The following PHKA2 variants were observed in gnomAD, a reference collection of about 807,000 sequenced individuals.
PHKA2 encodes the protein phosphorylase b kinase regulatory subunit alpha, liver isoform.
A neutral mutation model predicts 102.0 loss-of-function variants in PHKA2; 31 were observed. The ratio of observed to expected loss-of-function variants is 0.30; its 90% CI spans 0.23 to 0.41. The LOEUF (loss-of-function observed/expected upper bound fraction) is 0.41, where lower values mean the gene tolerates loss of function less well. Among genes scored for constraint, PHKA2 ranks in the 10% least tolerant of loss-of-function variants. The pLI is 1.00. For missense variants in PHKA2, 858 were observed against 1,023.1 expected (o/e 0.84, Z 2.20); for synonymous variants, 455 against 416.2 (o/e 1.09, Z -1.13).
At chrX:18,904,580 C>T (rs748485824) in intron 26 of PHKA2, among the ~76,000 whole-genome samples, 95 of 112,029 alleles carry the variant, frequency 8.5e-4, no homozygotes, top group African/African-American at 2.9e-3. Context: ...ATATTTATCT[C>T]GTACATTACC....
intron 25 of PHKA2, 41 bp downstream of exon 25, chrX:18,906,454 G>A: frequency 1.7e-6 from 2 of 1,208,677 alleles, no homozygotes; most frequent in Non-Finnish European, 2.2e-6. Context: ...GGTGGTTGGG[G>A]TGGGGTGCGG....
chrX:18,973,555 T>C (rs181150578), intron 1 of PHKA2, among the ~76,000 whole-genome samples: 1 of 112,372 alleles, frequency 8.9e-6, no homozygotes, highest in Non-Finnish European at 1.9e-5. Flanking sequence ...TAAGTGACTT[T>C]CCTCTGTAAG....
At chrX:18,899,097 T>C in intron 29 of PHKA2, 76 bp downstream of exon 29, 7 of 862,489 alleles carry the variant, frequency 8.1e-6, no homozygotes, top group Non-Finnish European at 1.2e-5. Flanking sequence ...CCTCAGAAGT[T>C]GGGCATGAGG....
rs1201632114 is a variant in PHKA2 at position 18,946,544 on chromosome X, A to C, written c.538-1386T>G. 3.6e-5 allele frequency among the ~76,000 whole-genome samples: 4 copies of C among 110,986 alleles called. No homozygotes were observed. In the Admixed American group the frequency reaches 3.8e-4, roughly 11 times the overall value. On this transcript the variant is annotated intron_variant, in intron 5 of 32. Coordinates refer to ENST00000379942, the MANE Select transcript of PHKA2 (RefSeq NM_000292.3). ...CCTCCTTAGACACACCCACAAGCTGAGAGTGGAACATAAGATCCACTTATG... is the reference window on the plus strand; with the variant it reads ...CCTCCTTAGACACACCCACAAGCTGCGAGTGGAACATAAGATCCACTTATG...
intron 21 of PHKA2, 112 bp downstream of exon 21, chrX:18,908,689 T>C (rs997193726): frequency 2.2e-5 from 15 of 679,355 alleles, no homozygotes; most frequent in Middle Eastern, 4.5e-4. Flanking sequence ...AAATCGGCCT[T>C]GAGTTTCAAC....
At chrX:18,952,397 G>A in intron 3 of PHKA2, 97 bp downstream of exon 3, 2 of 677,754 alleles carry the variant, frequency 3.0e-6, no homozygotes, top group Non-Finnish European at 4.8e-6. Flanking sequence ...TCTTCCTCTT[G>A]AGAAGAAAAG....
intron 17 of PHKA2, among the ~76,000 whole-genome samples, chrX:18,921,999 C>T (rs1221441678): frequency 8.9e-6 from 1 of 112,657 alleles, no homozygotes; most frequent in East Asian, 2.8e-4. Flanking sequence ...GTAATCCCAG[C>T]ACTTTGGGAG....
At chrX:18,963,740 A>C (rs1394775600) in intron 1 of PHKA2, among the ~76,000 whole-genome samples, 1 of 112,046 alleles carries the variant, frequency 8.9e-6, no homozygotes, top group Non-Finnish European at 1.9e-5. Flanking sequence ...CAGGCAAAAG[A>C]CATATGCCTG....
At position 18,908,450 on chromosome X, in the gene PHKA2, G is replaced by A. The variant is rs189685872; in HGVS notation, c.2360+351C>T. 7.1e-5 allele frequency among the ~76,000 whole-genome samples: 8 copies of A among 112,426 alleles called. No homozygotes were observed. The East Asian group carries it at 8.4e-4, about 12-fold the overall frequency. On this transcript the variant is annotated intron_variant, in intron 21 of 32. Coordinates refer to ENST00000379942, the MANE Select transcript of PHKA2 (RefSeq NM_000292.3). ...GTAAAGACCATAAACTTACTGCTAC[G>A]GCTTGAATGTCTGTTTTCCCCCAAT...
At chrX:18,982,914 G>T (rs925396344) in intron 1 of PHKA2, among the ~76,000 whole-genome samples, 1 of 112,169 alleles carries the variant, frequency 8.9e-6, no homozygotes, top group Non-Finnish European at 1.9e-5. Flanking sequence ...ACTGCACTAC[G>T]ATCATTTATT....
chrX:18,905,988 C>G, intron 25 of PHKA2, 129 bp from the exon 26 acceptor site: 1 of 518,878 alleles, frequency 1.9e-6, no homozygotes, highest in South Asian at 2.5e-5. Context: ...TCAGGAGAAC[C>G]TCACTATTGC....
intron 22 of PHKA2, among the ~76,000 whole-genome samples, chrX:18,907,664 C>T (rs936706089): frequency 2.7e-5 from 3 of 111,694 alleles, no homozygotes; most frequent in Non-Finnish European, 5.6e-5. Flanking sequence ...CATTTGATTT[C>T]CTGGCGAGAC....
intron 1 of PHKA2, among the ~76,000 whole-genome samples, chrX:18,967,614 T>A (rs1468111467): frequency 9.3e-6 from 1 of 107,005 alleles, no homozygotes; most frequent in East Asian, 3.0e-4. Flanking sequence ...AGGTGGGGAA[T>A]TTCCTTCCAT....
At chrX:18,909,023 A>G (rs1276733822) in intron 20 of PHKA2, 89 bp from the exon 21 acceptor site, 2 of 1,099,213 alleles carry the variant, frequency 1.8e-6, no homozygotes, top group Non-Finnish European at 2.5e-6. Context: ...CTGGTCTTGG[A>G]ACTCTATTGC....
In PHKA2 at chrX:18,905,742, G is replaced by A; in HGVS notation, c.2908+16C>T. ...AGGCAGCTCCCTGAAGACGTTAACAGGAGCATGGAACTTACCACTTCTTTC... is the reference window on the plus strand; with the variant it reads ...AGGCAGCTCCCTGAAGACGTTAACAAGAGCATGGAACTTACCACTTCTTTC... On this transcript the variant is annotated intron_variant, in intron 26 of 32. Transcript: ENST00000379942. 8 of 1,107,638 alleles carry A rather than the reference G, an allele frequency of 7.2e-6. No individual in the cohort carries two copies. The highest frequency in any genetic ancestry group is 8.7e-6 in the Non-Finnish European group (7 of 800,470). 91.3% of individuals were successfully genotyped at this position (1,107,638 alleles called of 1,213,427 possible). A position where few individuals can be genotyped will look rare whatever the true frequency, so the allele number is the denominator to read the frequency against.
chrX:18,912,639 G>A lies in PHKA2; in HGVS notation c.2138-1679C>T, dbSNP rs532786965. Among the ~76,000 whole-genome samples the A allele has an allele frequency of 1.1e-4, 12 of 108,142 alleles. No homozygotes were observed. In the East Asian group the frequency reaches 3.5e-3, roughly 32 times the overall value. 93.9% of individuals were successfully genotyped at this position (108,142 alleles called of 115,157 possible). The stretch of plus-strand genomic sequence containing the variant: ...AAAAAAAAAAAATGGTAGGCCAGGC[G>A]TGGTGGCTCACACCTGTAATCCCAG... On this transcript the variant is annotated intron_variant, in intron 19 of 32. Coordinates refer to ENST00000379942, the MANE Select transcript of PHKA2 (RefSeq NM_000292.3).
In PHKA2 at chrX:18,897,308, G is replaced by A; in HGVS notation, c.3137C>T (p.Thr1046Ile). 1 of 1,210,339 alleles carries A rather than the reference G, an allele frequency of 8.3e-7. No homozygotes were observed. The highest frequency in any genetic ancestry group is 1.1e-6 in the Non-Finnish European group (1 of 895,205). The change falls in exon 30 of 33, where the codon ACT (threonine) becomes ATT (isoleucine). Residue 1046 changes from threonine (T) to isoleucine (I), a missense_variant. Around this residue, in one of 2 missense-constraint regions of PHKA2, gnomAD observed 671 missense variants for 745.2 expected, o/e 0.90. Coordinates refer to ENST00000379942, the MANE Select transcript of PHKA2 (RefSeq NM_000292.3). ...TCCCGAGTCTGAGGATGACGTGCCA[G>A]TGGGCGAGGATGGGGTGCTGGACCT... Reference protein sequence around the residue: ...SARSSTPSSPTGTSSSDSGGH... With the variant: ...SARSSTPSSPIGTSSSDSGGH...
chrX:18,920,091 G>A lies in PHKA2; in HGVS notation c.1904C>T (p.Thr635Ile), dbSNP rs2048090230. The change falls in exon 18 of 33, where the codon ACT becomes ATT. Residue 635 changes from threonine (T) to isoleucine (I), a missense_variant. Physicochemically the swap from Thr to Ile is moderately conservative, Grantham distance 89 (BLOSUM62 -1). This residue lies in a region of PHKA2 where 671 missense variants were observed against 745.2 expected (regional missense o/e 0.90). Coordinates refer to ENST00000379942, the MANE Select transcript of PHKA2 (RefSeq NM_000292.3). ...ATCTGAATCACTATCAGGACTGAAAGTCCCTTCGCTGGCATTGTCAAACAA... is the reference window on the plus strand; with the variant it reads ...ATCTGAATCACTATCAGGACTGAAAATCCCTTCGCTGGCATTGTCAAACAA... ...EKLFDNASEG[T>I]FSPDSDSDLV... 1 of 1,193,904 alleles carries A rather than the reference G, an allele frequency of 8.4e-7. No individual in the cohort carries two copies. The highest frequency in any genetic ancestry group is 1.8e-5 in the African/African-American group (1 of 57,005).
At position 18,896,761 on chromosome X, in the gene PHKA2, C is replaced by T. The variant is rs189803270; in HGVS notation, c.3282+402G>A. On this transcript the variant is annotated intron_variant, in intron 30 of 32. Coordinates refer to ENST00000379942, the MANE Select transcript of PHKA2 (RefSeq NM_000292.3). Reference sequence around the variant, plus strand: ...GGGTTTTCATCTGAAGCCTCCCAGCCTTTCCCTGTTCTTCTATGTTCCTAA... The same window carrying T: ...GGGTTTTCATCTGAAGCCTCCCAGCTTTTCCCTGTTCTTCTATGTTCCTAA... 31 of 240,603 alleles carry T rather than the reference C, an allele frequency of 1.3e-4. No homozygotes were observed. In the East Asian group the frequency reaches 3.4e-3, roughly 27 times the overall value. The allele number at this position is 240,603 out of a possible 1,213,427, so 19.8% of individuals were successfully genotyped here.
Sources: allele counts gnomAD v4.1 joint callset (sites outside exome capture counted in the v4.1 genomes callset), GRCh38; gene constraint gnomAD v4.1.1; regional missense constraint gnomAD v4.1.1; transcripts MANE v1.5; gene names NCBI Gene and HGNC (gene_info 2026-07-23, HGNC 2026-07-21).